Variants in GC observed in about 807,000 individuals in gnomAD.
GC encodes vitamin D-binding protein.
Under a neutral mutation model 56.7 loss-of-function variants are expected in GC, and 43 were observed. The ratio of observed to expected loss-of-function variants is 0.76; its 90% CI spans 0.59 to 0.98. The LOEUF (loss-of-function observed/expected upper bound fraction) is 0.98. Among genes scored for constraint, GC ranks in the 50% least tolerant of loss-of-function variants. The pLI is 0.00. For synonymous variants in GC, 216 were observed against 202.7 expected, an observed-to-expected ratio of 1.07 and a Z score of -0.56; for missense variants, 529 against 545.9, an observed-to-expected ratio of 0.97 and a Z score of 0.31.
At chr4:71,801,279 G>A (rs560567383) in intron 1 of GC, among the ~76,000 whole-genome samples, 8 of 152,062 alleles carry the variant, frequency 5.3e-5, no homozygotes, top group South Asian at 4.1e-4. Flanking sequence ...ATGAAATATC[G>A]CTTTACACCT....
At chr4:71,793,395 C>T (rs1743017299) in intron 1 of GC, among the ~76,000 whole-genome samples, 1 of 152,058 alleles carries the variant, frequency 6.6e-6, no homozygotes, top group African/African-American at 2.4e-5. Flanking sequence ...AGTTGTATTC[C>T]TAGGTATTTT....
At chr4:71,746,003 C>G (rs1741351275) in intron 12 of GC, 148 bp downstream of exon 12, 1 of 517,540 alleles carries the variant, frequency 1.9e-6, no homozygotes. Context: ...AGCTCTTTAA[C>G]TTTTCTCGGT....
rs572284611 is a variant in GC, at chr4:71,744,733, G to A, written c.*25+1418C>T. Reference sequence around the variant, plus strand: ...TAATTAAAGCTTAAGAAATCTTGAAGGATGAGAGGTGAGGTCACTGTTGCA... The same window carrying A: ...TAATTAAAGCTTAAGAAATCTTGAAAGATGAGAGGTGAGGTCACTGTTGCA... On this transcript the variant is annotated intron_variant, in intron 12 of 12. Coordinates refer to ENST00000273951, the MANE Select transcript of GC (RefSeq NM_000583.4). Among the ~76,000 whole-genome samples the A allele has an allele frequency of 2.6e-4, 40 of 152,276 alleles. 1 individual carries two copies. The South Asian group carries it at 8.3e-3, about 32-fold the overall frequency.
intron 12 of GC, among the ~76,000 whole-genome samples, chr4:71,744,660 T>C (rs1204751168): frequency 6.6e-6 from 1 of 152,118 alleles, no homozygotes; most frequent in East Asian, 1.9e-4. Context: ...GTGAAAAACA[T>C]ATTCAAAATC....
At chr4:71,803,823 T>G in intron 1 of GC, 1 of 718,496 alleles carries the variant, frequency 1.4e-6, no homozygotes, top group Non-Finnish European at 2.5e-6. Context: ...ACAGAAATCC[T>G]CTGTGTTGGT....
At chr4:71,757,359 A>G (rs1430349597) in intron 7 of GC, among the ~76,000 whole-genome samples, 2 of 152,148 alleles carry the variant, frequency 1.3e-5, no homozygotes, top group African/African-American at 4.8e-5. Context: ...ACAGACATGC[A>G]TTTTTAATGG....
intron 9 of GC, 113 bp downstream of exon 9, chr4:71,754,865 G>C (rs1741671650): frequency 1.5e-6 from 1 of 646,706 alleles, no homozygotes; most frequent in Non-Finnish European, 2.6e-6. Flanking sequence ...CCATTCTTCT[G>C]TTCTTAGTTT....
chr4:71,757,365 A>G (rs1441774326), intron 7 of GC, among the ~76,000 whole-genome samples: 1 of 152,202 alleles, frequency 6.6e-6, no homozygotes, highest in Non-Finnish European at 1.5e-5. Flanking sequence ...ATGCATTTTT[A>G]ATGGAAAAAG....
chr4:71,789,272 T>G (rs1184401220), intron 1 of GC, among the ~76,000 whole-genome samples: 1 of 151,950 alleles, frequency 6.6e-6, no homozygotes, highest in African/African-American at 2.4e-5. Context: ...TGTACATATA[T>G]ACATTTAGAT....
intron 2 of GC, 47 bp downstream of exon 2, chr4:71,769,284 G>T: frequency 7.3e-7 from 1 of 1,372,180 alleles, no homozygotes; most frequent in Non-Finnish European, 1.0e-6. Flanking sequence ...ACTCAGTTTT[G>T]TTCAAGATCA....
At chr4:71,766,288 GA>G (rs1742155784) in intron 3 of GC, among the ~76,000 whole-genome samples, 1 of 152,152 alleles carries the variant, frequency 6.6e-6, no homozygotes, top group Non-Finnish European at 1.5e-5. Flanking sequence ...AATAGGGCCT[GA>G]AAATCTGTTT....
chr4:71,791,179 A>G (rs1423199860), intron 1 of GC, among the ~76,000 whole-genome samples: 1 of 152,128 alleles, frequency 6.6e-6, no homozygotes, highest in Non-Finnish European at 1.5e-5. Flanking sequence ...ACAACAGTAT[A>G]TCATTTACCA....
chr4:71,754,935 C>T, intron 9 of GC, 43 bp downstream of exon 9: 1 of 1,454,980 alleles, frequency 6.9e-7, no homozygotes. Context: ...AATTTTCCAA[C>T]CCTTGATCTA....
At chr4:71,792,793 G>A (rs1743003972) in intron 1 of GC, among the ~76,000 whole-genome samples, 2 of 152,208 alleles carry the variant, frequency 1.3e-5, no homozygotes, top group South Asian at 4.2e-4. Context: ...TATGGTTTTA[G>A]GTCTAATATG....
chr4:71,768,553 C>T, intron 2 of GC, 120 bp from the exon 3 acceptor site: 2 of 757,700 alleles, frequency 2.6e-6, no homozygotes, highest in Non-Finnish European at 4.0e-6. Flanking sequence ...ACTGCACTCT[C>T]TGCCTCCCAG....
chr4:71,778,164 C>CA (rs1007181699), intron 1 of GC, among the ~76,000 whole-genome samples: 1 of 151,270 alleles, frequency 6.6e-6, no homozygotes, highest in Admixed American at 6.6e-5. Flanking sequence ...AATCAGCTTT[C>CA]AAAAAAAAGT....
chr4:71,745,782 G>T (rs966274324), intron 12 of GC, among the ~76,000 whole-genome samples: 2 of 151,894 alleles, frequency 1.3e-5, no homozygotes, highest in African/African-American at 4.8e-5. Context: ...TCCTCCTAAG[G>T]TCCTTGCTGT....
At chr4:71,791,408 GT>G (rs2149308904) in intron 1 of GC, among the ~76,000 whole-genome samples, 1 of 151,772 alleles carries the variant, frequency 6.6e-6, no homozygotes, top group East Asian at 1.9e-4. Context: ...CTTTACCTTT[GT>G]TTTTCAGTGA....
chr4:71,758,603 T>C (rs1022460679), intron 6 of GC, among the ~76,000 whole-genome samples: 4 of 152,198 alleles, frequency 2.6e-5, no homozygotes, highest in Non-Finnish European at 5.9e-5. Context: ...AGTTAACAAA[T>C]GTTCACATTT....
Sources: allele counts gnomAD v4.1 joint callset (sites outside exome capture counted in the v4.1 genomes callset), GRCh38; gene constraint gnomAD v4.1.1; transcripts MANE v1.5; gene names NCBI Gene and HGNC (gene_info 2026-07-23, HGNC 2026-07-21).